The following MAP7 variants were observed in gnomAD, a reference collection of about 807,000 sequenced individuals.
The protein encoded by MAP7 is ensconsin.
A neutral mutation model predicts 94.8 loss-of-function variants in MAP7; 52 were observed. The observed-to-expected ratio is 0.55, with a 90% CI of 0.44 to 0.69. The LOEUF (loss-of-function observed/expected upper bound fraction) is 0.69. MAP7 is among the 30% of genes least tolerant of loss of function. The pLI is 0.00. For synonymous variants in MAP7, 350 were observed against 357.0 expected, an observed-to-expected ratio of 0.98 and a Z score of 0.22; for missense variants, 940 against 964.6, an observed-to-expected ratio of 0.97 and a Z score of 0.34.
At chr6:136,405,673 G>A (rs145136381) in intron 3 of MAP7, among the ~76,000 whole-genome samples, 8 of 152,236 alleles carry the variant, frequency 5.3e-5, no homozygotes, top group African/African-American at 1.9e-4. Flanking sequence ...CACTCTGGCT[G>A]CTGTGTTAAC....
At chr6:136,480,664 A>G (rs1812548719) in intron 1 of MAP7, among the ~76,000 whole-genome samples, 1 of 150,744 alleles carries the variant, frequency 6.6e-6, no homozygotes, top group African/African-American at 2.4e-5. Context: ...AAAAAAAAAA[A>G]AAAAAGAAAA....
intron 2 of MAP7, among the ~76,000 whole-genome samples, chr6:136,417,663 A>G (rs1789927124): frequency 6.6e-6 from 1 of 152,196 alleles, no homozygotes; most frequent in Non-Finnish European, 1.5e-5. Flanking sequence ...AGAAATAGAT[A>G]TGACTAATGA....
chr6:136,507,657 C>T (rs1258432407), intron 1 of MAP7, among the ~76,000 whole-genome samples: 3 of 152,094 alleles, frequency 2.0e-5, no homozygotes, highest in Admixed American at 1.3e-4. Flanking sequence ...TAATAACATT[C>T]GTTACCATTT....
chr6:136,504,806 A>G (rs968102072), intron 1 of MAP7, among the ~76,000 whole-genome samples: 3 of 152,186 alleles, frequency 2.0e-5, no homozygotes, highest in African/African-American at 7.2e-5. Context: ...CAGCCTCCCA[A>G]GGAGCTGGGA....
At chr6:136,526,274 C>T (rs1266491264) in intron 1 of MAP7, 5 of 1,080,026 alleles carry the variant, frequency 4.6e-6, no homozygotes, top group African/African-American at 2.0e-5. Context: ...CGTACACGCG[C>T]GCGCACACAC....
At chr6:136,355,525 A>C (rs1197649214) in intron 16 of MAP7, among the ~76,000 whole-genome samples, 9 of 152,202 alleles carry the variant, frequency 5.9e-5, no homozygotes, top group Non-Finnish European at 1.5e-5. Flanking sequence ...GTAGGGACTT[A>C]CCTTTTAACT....
intron 7 of MAP7, among the ~76,000 whole-genome samples, chr6:136,376,066 T>A (rs185452690): frequency 3.7e-4 from 56 of 151,568 alleles, no homozygotes; most frequent in Admixed American, 7.2e-4. Flanking sequence ...ATGACAGCCA[T>A]AAACCAGCTA....
At chr6:136,521,497 T>A (rs1174056050) in intron 1 of MAP7, among the ~76,000 whole-genome samples, 1 of 152,124 alleles carries the variant, frequency 6.6e-6, no homozygotes, top group Admixed American at 6.5e-5. Context: ...TGAGCAAATT[T>A]AGTATTAGAT....
chr6:136,403,646 C>T (rs986993828), intron 3 of MAP7, among the ~76,000 whole-genome samples: 1 of 152,212 alleles, frequency 6.6e-6, no homozygotes, highest in Non-Finnish European at 1.5e-5. Flanking sequence ...GTTTACAAGA[C>T]CCCTTACTTT....
intron 1 of MAP7, among the ~76,000 whole-genome samples, chr6:136,483,162 GTACATA>G (rs1813480704): frequency 6.6e-6 from 1 of 150,550 alleles, no homozygotes; most frequent in Non-Finnish European, 1.5e-5. Context: ...AGAAAATGTG[GTACATA>G]TACACCATGG....
chr6:136,348,802 T>C (rs954609089), intron 16 of MAP7, among the ~76,000 whole-genome samples: 3 of 152,114 alleles, frequency 2.0e-5, no homozygotes, highest in East Asian at 3.9e-4. Flanking sequence ...AACTCAAGAT[T>C]TGGAGGGAAA....
intron 16 of MAP7, among the ~76,000 whole-genome samples, chr6:136,349,477 G>A (rs1275915021): frequency 1.3e-5 from 2 of 152,108 alleles, no homozygotes; most frequent in Non-Finnish European, 2.9e-5. Context: ...GGGCTCAGGC[G>A]ATCCTCCCGC....
At chr6:136,434,086 C>G (rs116992964) in intron 1 of MAP7, among the ~76,000 whole-genome samples, 1 of 152,006 alleles carries the variant, frequency 6.6e-6, no homozygotes, top group African/African-American at 2.4e-5. Flanking sequence ...GCGAGTGGAT[C>G]GCTGAGCTCA....
chr6:136,464,653 A>C (rs1320465667), intron 1 of MAP7, among the ~76,000 whole-genome samples: 2 of 152,242 alleles, frequency 1.3e-5, no homozygotes, highest in Non-Finnish European at 2.9e-5. Context: ...CACTGCAGTG[A>C]GACTCCTGAT....
At chr6:136,471,791 T>C (rs1315052086) in intron 1 of MAP7, among the ~76,000 whole-genome samples, 1 of 152,204 alleles carries the variant, frequency 6.6e-6, no homozygotes, top group African/African-American at 2.4e-5. Flanking sequence ...TTTTATTTTC[T>C]ATATTAATAC....
chr6:136,550,265 A>G lies in MAP7; in HGVS notation c.67+77T>C. ...GGGAGGGGGCTGCCGGCGCCGGGTGATTTCGGTGCCAGCCCGCCGGCCCCG... is the reference window on the plus strand; with the variant it reads ...GGGAGGGGGCTGCCGGCGCCGGGTGGTTTCGGTGCCAGCCCGCCGGCCCCG... On this transcript the variant is annotated intron_variant, in intron 1 of 17. Transcript: ENST00000354570. The surrounding 1 kb of genome is among the most constrained non-coding windows in gnomAD (Gnocchi z 5.1). 1.5e-6 allele frequency: 2 copies of G among 1,290,622 alleles called. No individual in the cohort carries two copies. The highest frequency in any genetic ancestry group is 1.9e-5 in the South Asian group (1 of 53,272). 79.9% of individuals were successfully genotyped at this position (1,290,622 alleles called of 1,614,324 possible).
chr6:136,543,970 G>A (rs146103512), intron 1 of MAP7, among the ~76,000 whole-genome samples: 8 of 152,294 alleles, frequency 5.3e-5, no homozygotes, highest in Admixed American at 1.3e-4. Context: ...TGCCCAGGCT[G>A]GAATGTGGTG....
At chr6:136,389,315 TAG>T in intron 4 of MAP7, 37 bp downstream of exon 4, 1 of 1,512,124 alleles carries the variant, frequency 6.6e-7, no homozygotes, top group Non-Finnish European at 8.8e-7. Flanking sequence ...ATGTCTGAAC[TAG>T]AGGAGCCACT....
chr6:136,512,483 T>A (rs903856056), intron 1 of MAP7, among the ~76,000 whole-genome samples: 4 of 152,208 alleles, frequency 2.6e-5, no homozygotes, highest in African/African-American at 9.7e-5. Context: ...GTAATGAAGA[T>A]TTAGGAAGCC....
Sources: allele counts gnomAD v4.1 joint callset (sites outside exome capture counted in the v4.1 genomes callset), GRCh38; gene constraint gnomAD v4.1.1; non-coding constraint Gnocchi (gnomAD v3.1); transcripts MANE v1.5; gene names NCBI Gene and HGNC (gene_info 2026-07-23, HGNC 2026-07-21).